The following SCAP variants were observed in gnomAD, a reference collection of about 807,000 sequenced individuals.
SCAP encodes SREBF chaperone.
SCAP carries 65 observed loss-of-function variants against 123.6 expected under a neutral mutation model. The ratio of observed to expected loss-of-function variants is 0.53; its 90% CI spans 0.43 to 0.65. The LOEUF (loss-of-function observed/expected upper bound fraction) is 0.65, where lower values mean the gene tolerates loss of function less well. Ranked by LOEUF, SCAP falls within the 30% of genes least tolerant of loss-of-function variation. SCAP has a pLI of 0.00. For synonymous variants in SCAP, 740 were observed against 726.3 expected (o/e 1.02, Z -0.30); for missense variants, 1,398 against 1,712.5 (o/e 0.82, Z 3.24).
At chr3:47,437,755 C>T (rs555070662) in intron 2 of SCAP, among the ~76,000 whole-genome samples, 6 of 151,340 alleles carry the variant, frequency 4.0e-5, no homozygotes, top group South Asian at 2.1e-4. Context: ...AAAAACAAAA[C>T]ATTTTGGGCT....
At chr3:47,447,329 G>C (rs1445005670) in intron 1 of SCAP, among the ~76,000 whole-genome samples, 1 of 152,030 alleles carries the variant, frequency 6.6e-6, no homozygotes, top group Admixed American at 6.6e-5. Context: ...AGAAAGCAGA[G>C]GTTGAGCAAG....
chr3:47,425,510 C>T lies in SCAP; in HGVS notation c.1012G>A (p.Gly338Ser). 1.2e-6 allele frequency: 2 copies of T among 1,613,836 alleles called. No homozygotes were observed. Among genetic ancestry groups the T allele is most frequent in the Non-Finnish European group, 8.5e-7 (1 of 1,180,038 alleles). The change falls in exon 8 of 23, where the codon GGC (glycine) becomes AGC (serine). Residue 338 changes from glycine (G) to serine (S), a missense_variant. By Grantham distance (56) the Gly-to-Ser change is moderately conservative. Around this residue, in one of 7 missense-constraint regions of SCAP, gnomAD observed 319 missense variants for 432.4 expected, o/e 0.74. Coordinates refer to ENST00000265565, the MANE Select transcript of SCAP (RefSeq NM_012235.4). ...LMSVGLCTLF[G>S]LTPTLNGGEI... ...CCGCCATTGAGGGTGGGCGTCAGGC[C>T]GAAGAGTGTGCAGAGTCCCACAGAC... is the stretch of plus-strand genomic sequence containing the variant.
In SCAP at chr3:47,451,216, C is replaced by T. The variant is rs1707220034; in HGVS notation, c.-98-8125G>A. Among the ~76,000 whole-genome samples the T allele has an allele frequency of 2.4e-5, 3 of 122,780 alleles. 1 individual carries two copies. The highest frequency in any genetic ancestry group is 5.6e-5 in the African/African-American group (2 of 35,718). The allele number at this position is 122,780 out of a possible 152,430, so 80.5% of individuals were successfully genotyped here. ...CAGAAAAGCACACAAATTATAAGCA[C>T]ACAGCTCCATGAATTACCACCAAGT... On this transcript the variant is annotated intron_variant, in intron 1 of 22. Transcript: ENST00000265565.
intron 20 of SCAP, 81 bp from the exon 21 acceptor site, chr3:47,414,733 C>T: frequency 6.2e-7 from 1 of 1,609,166 alleles, no homozygotes; most frequent in South Asian, 1.1e-5. Flanking sequence ...CTCTGTTCTT[C>T]ATCAGGACTC....
In SCAP at chr3:47,420,858, C is replaced by A; in HGVS notation, c.1344+73G>T. 1.3e-6 allele frequency: 2 copies of A among 1,587,066 alleles called. No individual in the cohort carries two copies. Among genetic ancestry groups the A allele is most frequent in the Non-Finnish European group, 1.7e-6 (2 of 1,156,796 alleles). On this transcript the variant is annotated intron_variant, in intron 11 of 22. Coordinates refer to ENST00000265565, the MANE Select transcript of SCAP (RefSeq NM_012235.4). The surrounding 1 kb of genome is among the most constrained non-coding windows in gnomAD (Gnocchi z 5.0). ...CGCTGTCCTGCCCGAGGTCTACACC[C>A]TTCTCACCCAGGACTCCCTCAGTAC...
Position 47,418,337 on chromosome 3 carries a change from A to T in SCAP, c.2315T>A (p.Leu772Gln). ...CCTGCTCACCATGAGGTGGCCGCGC[A>T]GCACAAGCGGCACGATCTCCGTCTC... ...PPETEIVPLVLRGHLMDIECL... is the reference protein window; with the variant it reads ...PPETEIVPLVQRGHLMDIECL... The change falls in exon 15 of 23, where the codon CTG (leucine) becomes CAG (glutamine). Residue 772 changes from leucine (L) to glutamine (Q), a missense_variant. Leu to Gln is a moderately radical substitution (Grantham distance 113, BLOSUM62 -2). Coordinates refer to ENST00000265565, the MANE Select transcript of SCAP (RefSeq NM_012235.4). 6.4e-7 allele frequency: 1 copy of T among 1,566,430 alleles called. No homozygotes were observed. Among genetic ancestry groups the T allele is most frequent in the Non-Finnish European group, 8.6e-7 (1 of 1,156,730 alleles).
At position 47,443,021 on chromosome 3, in the gene SCAP, C is replaced by A. The variant is rs1269061400; in HGVS notation, c.-28G>T. On this transcript the variant is annotated 5_prime_UTR_variant, in exon 2 of 23. Coordinates refer to ENST00000265565, the MANE Select transcript of SCAP (RefSeq NM_012235.4). ...TCAGCCGAAGTCACCTTGCTGCCATCCCGGAAAGTGACCATGGATCACCCT... is the reference window on the plus strand; with the variant it reads ...TCAGCCGAAGTCACCTTGCTGCCATACCGGAAAGTGACCATGGATCACCCT... 2.2e-5 allele frequency: 36 copies of A among 1,612,544 alleles called. No homozygotes were observed. Among genetic ancestry groups the A allele is most frequent in the Non-Finnish European group, 3.0e-5 (35 of 1,179,898 alleles).
At chr3:47,416,915 C>T (rs1048678206) in intron 18 of SCAP, among the ~76,000 whole-genome samples, 6 of 151,870 alleles carry the variant, frequency 4.0e-5, no homozygotes, top group Admixed American at 6.6e-5. Flanking sequence ...CGTGAGCCAC[C>T]GCGCCCGGCC....
At chr3:47,415,246 G>T in intron 18 of SCAP, 66 bp from the exon 19 acceptor site, 1 of 1,450,630 alleles carries the variant, frequency 6.9e-7, no homozygotes, top group South Asian at 1.3e-5. Context: ...CTGAGCATGT[G>T]GACATGAGAG....
Position 47,413,840 on chromosome 3 carries a change from A to C in SCAP, c.*14T>G, listed in dbSNP as rs772037598. ...AGCACCCCAGCCTCCTGCCTGGGCA[A>C]GGAGGCCCTGCGCTCAGTCCAGCTT... On this transcript the variant is annotated 3_prime_UTR_variant, in exon 23 of 23. Transcript: ENST00000265565. The C allele has an allele frequency of 1.9e-6, 3 of 1,607,162 alleles. No individual in the cohort carries two copies. The highest frequency in any genetic ancestry group is 2.6e-6 in the Non-Finnish European group (3 of 1,175,984).
Position 47,464,893 on chromosome 3 carries a change from C to G in SCAP, c.-99+10906G>C, listed in dbSNP as rs1707769244. The stretch of plus-strand genomic sequence containing the variant: ...AAACCCTAAAGATTACACACACACA[C>G]AGCTAATAAATGAATTCAACAAAGT... On this transcript the variant is annotated intron_variant, in intron 1 of 22. Transcript: ENST00000265565. Among the ~76,000 whole-genome samples the G allele has an allele frequency of 1.3e-5, 2 of 152,200 alleles. 1 individual carries two copies. Among genetic ancestry groups the G allele is most frequent in the South Asian group, 4.1e-4 (2 of 4,836 alleles).
intron 1 of SCAP, among the ~76,000 whole-genome samples, chr3:47,474,080 AC>A (rs1290602809): frequency 6.6e-6 from 1 of 152,102 alleles, no homozygotes; most frequent in African/African-American, 2.4e-5. Context: ...CCTGGCTAAC[AC>A]GGTGAAACCC....
intron 1 of SCAP, among the ~76,000 whole-genome samples, chr3:47,452,046 A>G (rs1324611425): frequency 6.6e-6 from 1 of 152,114 alleles, no homozygotes; most frequent in Non-Finnish European, 1.5e-5. Flanking sequence ...CACTTCTACA[A>G]AAAGACCTCC....
At chr3:47,436,123 T>C (rs1027877048) in intron 2 of SCAP, among the ~76,000 whole-genome samples, 2 of 151,952 alleles carry the variant, frequency 1.3e-5, no homozygotes, top group African/African-American at 2.4e-5. Context: ...CTTGCCAAAT[T>C]AGATATAAGG....
intron 1 of SCAP, among the ~76,000 whole-genome samples, chr3:47,471,163 A>G (rs1257034917): frequency 6.6e-6 from 1 of 152,182 alleles, no homozygotes; most frequent in African/African-American, 2.4e-5. Flanking sequence ...TCAAGAATTT[A>G]TCCCCTTACA....
Position 47,420,410 on chromosome 3 carries a change from G to T in SCAP, c.1563+144C>A. The T allele has an allele frequency of 1.4e-6, 1 of 711,350 alleles. No homozygotes were observed. The allele number at this position is 711,350 out of a possible 1,614,324, so 44.1% of individuals were successfully genotyped here. ...GGGTCTGGGCAGGGAGGACACAACGGGCAACTCCCCAGAGCCAGGCTTCCA... is the reference window on the plus strand; with the variant it reads ...GGGTCTGGGCAGGGAGGACACAACGTGCAACTCCCCAGAGCCAGGCTTCCA... On this transcript the variant is annotated intron_variant, in intron 12 of 22. Transcript: ENST00000265565. This position sits in a 1 kb window ranked among gnomAD's most constrained non-coding sequence, Gnocchi z 5.0.
At position 47,425,469 on chromosome 3, in the gene SCAP, C is replaced by G; in HGVS notation, c.1037+16G>C. ...GAGCCCACCCTGTGGCCCAGTGGAGCCTGCTAGGGACCTACCCGCCATTGA... is the reference window on the plus strand; with the variant it reads ...GAGCCCACCCTGTGGCCCAGTGGAGGCTGCTAGGGACCTACCCGCCATTGA... On this transcript the variant is annotated intron_variant, in intron 8 of 22. Transcript: ENST00000265565. 6.2e-7 allele frequency: 1 copy of G among 1,612,078 alleles called. No individual in the cohort carries two copies. The highest frequency in any genetic ancestry group is 8.5e-7 in the Non-Finnish European group (1 of 1,179,350).
At chr3:47,427,733 G>C (rs1019113943) in intron 4 of SCAP, 66 bp from the exon 5 acceptor site, 2 of 1,384,900 alleles carry the variant, frequency 1.4e-6, no homozygotes, top group Non-Finnish European at 2.0e-6. Flanking sequence ...GCTGTACTTA[G>C]GGGACATCCT....
intron 1 of SCAP, among the ~76,000 whole-genome samples, chr3:47,461,763 G>A (rs1436128551): frequency 6.6e-6 from 1 of 152,146 alleles, no homozygotes; most frequent in Non-Finnish European, 1.5e-5. Flanking sequence ...GCCGGGCACG[G>A]TGGCTCACTC....
Sources: gnomAD v4.1 joint callset for allele counts (sites outside exome capture counted in the v4.1 genomes callset) on GRCh38, gnomAD v4.1.1 for gene constraint, gnomAD v4.1.1 regional missense constraint, Gnocchi (gnomAD v3.1) non-coding constraint, MANE v1.5 for transcripts, NCBI Gene and HGNC (gene_info 2026-07-23, HGNC 2026-07-21) for gene names.